The following SYNM variants were observed in gnomAD, a reference collection of about 807,000 sequenced individuals.
SYNM encodes the protein desmuslin.
In SYNM, 95 loss-of-function variants were observed where a neutral mutation model predicts 104.0. The ratio of observed to expected loss-of-function variants is 0.91; its 90% CI spans 0.77 to 1.08. The LOEUF (loss-of-function observed/expected upper bound fraction) is 1.08. Ranked by LOEUF, SYNM falls within the 50% of genes least tolerant of loss-of-function variation. SYNM has a pLI of 0.00. For synonymous variants in SYNM, 918 were observed against 869.0 expected (o/e 1.06, Z -0.99); for missense variants, 2,150 against 2,052.2 (o/e 1.05, Z -0.92).
In SYNM at chr15:99,129,676, AG is replaced by A. The variant is rs782204557; in HGVS notation, c.1318del (p.Ala440LeufsTer3). The A allele has an allele frequency of 1.5e-5, 24 of 1,613,870 alleles. No individual in the cohort carries two copies. Among genetic ancestry groups the A allele is most frequent in the Non-Finnish European group, 2.5e-6 (3 of 1,179,912 alleles). On this transcript the variant is annotated frameshift_variant, in exon 4 of 4. Transcript: ENST00000336292. LOFTEE classifies it low-confidence loss of function (END_TRUNC). The stretch of plus-strand genomic sequence containing the variant: ...ACCTATGGCCTTTTAAGAAATACTG[AG>A]GCTCAAGTGAAAACATTCCCTGACA... ...SPTYGLLRNT[E>X]AQVKTFPDRP...
intron 2 of SYNM, among the ~76,000 whole-genome samples, chr15:99,116,351 T>G (rs1233464614): frequency 6.6e-6 from 1 of 152,202 alleles, no homozygotes; most frequent in Non-Finnish European, 1.5e-5. Context: ...GAAGAAAGCA[T>G]TAATCAGGAA....
At chr15:99,118,666 C>T (rs1349953877) in intron 2 of SYNM, among the ~76,000 whole-genome samples, 1 of 151,914 alleles carries the variant, frequency 6.6e-6, no homozygotes. Context: ...CTTGTAATTT[C>T]CAGAGAGACT....
intron 3 of SYNM, among the ~76,000 whole-genome samples, chr15:99,127,676 G>A (rs1324427080): frequency 6.6e-6 from 1 of 152,318 alleles, no homozygotes; most frequent in Admixed American, 6.5e-5. Context: ...AATTTTGAGA[G>A]TAAGTTTGAA....
intron 2 of SYNM, among the ~76,000 whole-genome samples, chr15:99,126,189 A>T (rs2067445646): frequency 6.6e-6 from 1 of 152,128 alleles, no homozygotes; most frequent in African/African-American, 2.4e-5. Flanking sequence ...ACCCCCTGGA[A>T]TGCAGTTTGA....
intron 3 of SYNM, 115 bp downstream of exon 3, chr15:99,126,907 C>A: frequency 3.5e-6 from 3 of 849,628 alleles, no homozygotes; most frequent in Non-Finnish European, 5.3e-6. Context: ...GTTTAGATAA[C>A]AGGAGTTCAT....
chr15:99,129,359 T>G lies in SYNM; in HGVS notation c.1007-8T>G. The G allele has an allele frequency of 1.9e-6, 3 of 1,607,522 alleles. No homozygotes were observed. Among genetic ancestry groups the G allele is most frequent in the Non-Finnish European group, 1.7e-6 (2 of 1,175,388 alleles). On this transcript the variant is annotated splice_polypyrimidine_tract_variant and splice_region_variant and intron_variant, in intron 3 of 3. Transcript: ENST00000336292. ...CATTTTAATGAATGCTTTGTTCAAT[T>G]TCTACAGAATTCAGAAACAAATCCT...
At chr15:99,138,931 C>CT (rs1367762392), downstream of SYNM, among the ~76,000 whole-genome samples, 18 of 152,302 alleles carry the variant, frequency 1.2e-4, no homozygotes, top group African/African-American at 4.1e-4. Context: ...AGGGGCCAGC[C>CT]TTTAAGGTCA....
Position 99,134,889 on chromosome 15 carries a change from G to A in SYNM, c.*1831G>A, listed in dbSNP as rs868911193. 13 of 152,242 alleles carry A rather than the reference G, an allele frequency of 8.5e-5. No homozygotes were observed. Among genetic ancestry groups the A allele is most frequent in the African/African-American group, 3.1e-4 (13 of 41,460 alleles). The allele number at this position is 152,242 out of a possible 1,614,324, so 9.4% of individuals were successfully genotyped here. ...GTGATTGTCAGACTGGTATGGAGGT[G>A]ACTGCTTTGTAAGGTTTTGTCGTTT... On this transcript the variant is annotated 3_prime_UTR_variant, in exon 4 of 4. Coordinates refer to ENST00000336292, the MANE Select transcript of SYNM (RefSeq NM_145728.3).
chr15:99,109,830 C>T (rs899256859), intron 1 of SYNM, among the ~76,000 whole-genome samples: 5 of 152,208 alleles, frequency 3.3e-5, no homozygotes, highest in African/African-American at 4.8e-5. Flanking sequence ...CTCAGCCAGG[C>T]TGCCGGTGTG....
At chr15:99,106,455 C>T (rs1336328938) in intron 1 of SYNM, among the ~76,000 whole-genome samples, 1 of 152,186 alleles carries the variant, frequency 6.6e-6, no homozygotes, top group African/African-American at 2.4e-5. Flanking sequence ...GGGGAAAACT[C>T]AAATTAATTT....
rs2067518728 is a variant in SYNM, at chr15:99,132,302, G to A, written c.3942G>A (p.Gly1314=). Reference sequence around the variant, plus strand: ...CATCCATCAGGCACATCAGCATTGGGCCTCAGAGGCATCAGACCACCCAGC... The same window carrying A: ...CATCCATCAGGCACATCAGCATTGGACCTCAGAGGCATCAGACCACCCAGC... ...SSTSIRHISI[G]PQRHQTTQQI... is the part of the protein sequence containing the mutation. Residue 1314 remains glycine (G), a synonymous_variant, in exon 4 of 4, where the codon GGG becomes GGA. Coordinates refer to ENST00000336292, the MANE Select transcript of SYNM (RefSeq NM_145728.3). The A allele has an allele frequency of 2.5e-6, 4 of 1,611,206 alleles. No homozygotes were observed. Among genetic ancestry groups the A allele is most frequent in the Non-Finnish European group, 3.4e-6 (4 of 1,177,738 alleles).
At position 99,132,582 on chromosome 15, in the gene SYNM, C is replaced by T; in HGVS notation, c.4222C>T (p.Pro1408Ser). 3 of 1,614,032 alleles carry T rather than the reference C, an allele frequency of 1.9e-6. No homozygotes were observed. Among genetic ancestry groups the T allele is most frequent in the Non-Finnish European group, 2.5e-6 (3 of 1,179,894 alleles). ...ATCCTTTAGGCACATTCGACTAGGT[C>T]CTACAGAAACGGAAACCTCTGAACA... ...SRSFRHIRLG[P>S]TETETSEHIA... Residue 1408 changes from proline (P) to serine (S), a missense_variant, in exon 4 of 4, where the codon CCT (proline) becomes TCT (serine). Transcript: ENST00000336292.
intron 1 of SYNM, among the ~76,000 whole-genome samples, chr15:99,113,073 C>T (rs2067314819): frequency 6.6e-6 from 1 of 152,214 alleles, no homozygotes; most frequent in South Asian, 2.1e-4. Context: ...CATTTCTCCC[C>T]AGATGATCTT....
chr15:99,105,464 C>T lies in SYNM; in HGVS notation c.265C>T (p.Arg89Trp), dbSNP rs1555482414. The T allele has an allele frequency of 1.4e-6, 2 of 1,398,162 alleles. No individual in the cohort carries two copies. The highest frequency in any genetic ancestry group is 9.3e-7 in the Non-Finnish European group (1 of 1,080,050). The allele number at this position is 1,398,162 out of a possible 1,614,324, so 86.6% of individuals were successfully genotyped here. ...ALAEGERDAL[R>W]RELRELQRLD... Reference sequence around the variant, plus strand: ...GGCGGAGGGCGAGCGGGACGCTCTGCGGCGCGAGCTGCGGGAGCTGCAGCG... The same window carrying T: ...GGCGGAGGGCGAGCGGGACGCTCTGTGGCGCGAGCTGCGGGAGCTGCAGCG... The change falls in exon 1 of 4, where the codon CGG becomes TGG. Residue 89 changes from arginine to tryptophan, a missense_variant. Physicochemically the swap from Arg to Trp is moderately radical, Grantham distance 101. Transcript: ENST00000336292.
At chr15:99,126,164 G>C (rs1555484989) in intron 2 of SYNM, among the ~76,000 whole-genome samples, 4 of 152,084 alleles carry the variant, frequency 2.6e-5, no homozygotes, top group Non-Finnish European at 1.5e-5. Context: ...ACTTCTTTTT[G>C]TCGTCTCCAA....
intron 2 of SYNM, among the ~76,000 whole-genome samples, chr15:99,119,208 A>T (rs2067377359): frequency 6.6e-6 from 1 of 152,236 alleles, no homozygotes; most frequent in Non-Finnish European, 1.5e-5. Flanking sequence ...GAACCGGCAC[A>T]GTGGTTTCAA....
intron 3 of SYNM, 73 bp downstream of exon 3, chr15:99,126,865 A>G (rs1555485098): frequency 1.5e-6 from 2 of 1,363,790 alleles, no homozygotes; most frequent in African/African-American, 2.9e-5. Context: ...ATAGTAAAGC[A>G]CCATCATCGG....
chr15:99,129,251 T>C, intron 3 of SYNM, 116 bp from the exon 4 acceptor site: 1 of 1,395,308 alleles, frequency 7.2e-7, no homozygotes, highest in Non-Finnish European at 9.6e-7. Context: ...GAGCTTTCTG[T>C]GGTAACAGTG....
chr15:99,108,286 C>T (rs1555483058), intron 1 of SYNM, among the ~76,000 whole-genome samples: 2 of 151,566 alleles, frequency 1.3e-5, no homozygotes, highest in Non-Finnish European at 2.9e-5. Context: ...TTTTTTTTTC[C>T]AGTTCCAATT....
Sources: allele counts gnomAD v4.1 joint callset (sites outside exome capture counted in the v4.1 genomes callset), GRCh38; gene constraint gnomAD v4.1.1; transcripts MANE v1.5; gene names NCBI Gene and HGNC (gene_info 2026-07-23, HGNC 2026-07-21).